Variants in CHSY3 observed in about 807,000 individuals in gnomAD.
The protein encoded by CHSY3 is N-acetylgalactosaminyl-proteoglycan 3-beta-glucuronosyltransferase 3.
Under a neutral mutation model 67.2 loss-of-function variants are expected in CHSY3, and 35 were observed. The ratio of observed to expected loss-of-function variants is 0.52; its 90% CI spans 0.40 to 0.69. The LOEUF (loss-of-function observed/expected upper bound fraction) is 0.69. CHSY3 is among the 30% of genes least tolerant of loss of function. The pLI, the probability that CHSY3 is intolerant of heterozygous loss-of-function variation, is 0.00. For synonymous variants in CHSY3, 474 were observed against 434.7 expected (o/e 1.09, Z -1.12); for missense variants, 1,069 against 1,138.5 (o/e 0.94, Z 0.88).
In CHSY3 at chr5:130,130,640, T is replaced by C. The variant is rs759109638; in HGVS notation, c.1087-53589T>C. 9.7e-4 allele frequency among the ~76,000 whole-genome samples: 147 copies of C among 152,150 alleles called. 2 individuals are homozygous for C. The highest frequency in any genetic ancestry group is 3.1e-4 in the Non-Finnish European group (21 of 68,008). On this transcript the variant is annotated intron_variant, in intron 2 of 2. Coordinates refer to ENST00000305031, the MANE Select transcript of CHSY3 (RefSeq NM_175856.5). ...TTACTTCCTGCACTTCACTTGATCA[T>C]AGACATCAGTCTCTTCTCCAGATAG...
rs1764491575 is a variant in CHSY3 at position 130,024,725 on chromosome 5, A to C, written c.1086+116365A>C. ...AATAGCATGAAAAAAAATTGGACAA[A>C]ACATTGAAGCAGCGTTCATAAATGA... On this transcript the variant is annotated intron_variant, in intron 2 of 2. Coordinates refer to ENST00000305031, the MANE Select transcript of CHSY3 (RefSeq NM_175856.5). Among the ~76,000 whole-genome samples the C allele has an allele frequency of 2.6e-5, 4 of 152,194 alleles. No individual in the cohort carries two copies. The South Asian group carries it at 8.3e-4, about 32-fold the overall frequency.
At chr5:130,167,074 GT>G (rs1769768210) in intron 2 of CHSY3, among the ~76,000 whole-genome samples, 4 of 152,148 alleles carry the variant, frequency 2.6e-5, no homozygotes, top group Admixed American at 2.6e-4. Flanking sequence ...AGGAAGGAGA[GT>G]TTTTTGGCTT....
At chr5:130,153,842 T>A (rs996621118) in intron 2 of CHSY3, among the ~76,000 whole-genome samples, 1 of 152,238 alleles carries the variant, frequency 6.6e-6, no homozygotes, top group African/African-American at 2.4e-5. Flanking sequence ...TTTTATTTTT[T>A]TTCTGTAATC....
chr5:129,980,819 T>A (rs1232173927), intron 2 of CHSY3, among the ~76,000 whole-genome samples: 1 of 152,150 alleles, frequency 6.6e-6, no homozygotes, highest in Non-Finnish European at 1.5e-5. Context: ...TGTGTCTAGA[T>A]CCATGTTTTC....
intron 2 of CHSY3, among the ~76,000 whole-genome samples, chr5:129,943,323 C>A (rs1270691069): frequency 6.6e-6 from 1 of 152,066 alleles, no homozygotes; most frequent in African/African-American, 2.4e-5. Flanking sequence ...AAATGTTGAT[C>A]AAAAAATCAT....
rs538886105 is a variant in CHSY3 at position 130,054,608 on chromosome 5, T to G, written c.1087-129621T>G. ...GACTTCTCATTTCTGTGCCTCAGTT[T>G]CCTCACATATATAAACTCTTACTTC... On this transcript the variant is annotated intron_variant, in intron 2 of 2. Transcript: ENST00000305031. Among the ~76,000 whole-genome samples the G allele has an allele frequency of 4.6e-5, 7 of 152,316 alleles. No individual in the cohort carries two copies. The East Asian group carries it at 1.4e-3, about 29-fold the overall frequency.
At chr5:130,054,384 G>A (rs1443337253) in intron 2 of CHSY3, among the ~76,000 whole-genome samples, 1 of 152,026 alleles carries the variant, frequency 6.6e-6, no homozygotes, top group Non-Finnish European at 1.5e-5. Context: ...TTTATTAGCT[G>A]CTTTTCATGG....
intron 2 of CHSY3, among the ~76,000 whole-genome samples, chr5:130,054,145 C>T (rs1302015392): frequency 6.6e-6 from 1 of 152,074 alleles, no homozygotes; most frequent in African/African-American, 2.4e-5. Context: ...TTTTTAATAG[C>T]TTCTGGGAGA....
In CHSY3 at chr5:130,052,763, T is replaced by C. The variant is rs115809081; in HGVS notation, c.1087-131466T>C. ...ATTTAAATATTATAATCAGATAATA[T>C]CCACAGGCGTTAATTTATCCTTTCT... is the stretch of plus-strand genomic sequence containing the variant. On this transcript the variant is annotated intron_variant, in intron 2 of 2. Coordinates refer to ENST00000305031, the MANE Select transcript of CHSY3 (RefSeq NM_175856.5). Among the ~76,000 whole-genome samples the C allele has an allele frequency of 4.2e-3, 638 of 152,246 alleles. 3 individuals carry two copies. Among genetic ancestry groups the C allele is most frequent in the African/African-American group, 0.015 (611 of 41,550 alleles).
At chr5:130,044,442 G>A (rs1423798856) in intron 2 of CHSY3, among the ~76,000 whole-genome samples, 1 of 152,040 alleles carries the variant, frequency 6.6e-6, no homozygotes, top group Non-Finnish European at 1.5e-5. Flanking sequence ...GGTGAGTACT[G>A]AAGCATGAGT....
At chr5:130,109,778 C>A (rs751052327) in intron 2 of CHSY3, among the ~76,000 whole-genome samples, 9 of 151,582 alleles carry the variant, frequency 5.9e-5, no homozygotes, top group Non-Finnish European at 1.3e-4. Context: ...TGGAATCTGA[C>A]AATTATCAAG....
chr5:130,140,471 T>C, intron 2 of CHSY3: 2 of 1,131,072 alleles, frequency 1.8e-6, no homozygotes, highest in Non-Finnish European at 1.2e-6. Context: ...CCAGCTTACT[T>C]TAATGACTCT....
intron 2 of CHSY3, among the ~76,000 whole-genome samples, chr5:129,990,083 AT>A (rs917956397): frequency 2.0e-5 from 3 of 151,304 alleles, no homozygotes; most frequent in Non-Finnish European, 4.4e-5. Context: ...TCCCTTTTGA[AT>A]TTTTTTTTCA....
chr5:129,980,910 C>T (rs79124496), intron 2 of CHSY3, among the ~76,000 whole-genome samples: 3,237 of 152,068 alleles, frequency 0.021, 106 homozygotes, highest in African/African-American at 0.072. Context: ...TGCCTTTGCT[C>T]CTTAGTCAAA....
At chr5:130,184,188 C>A in intron 2 of CHSY3, 41 bp from the exon 3 acceptor site, 1 of 1,405,344 alleles carries the variant, frequency 7.1e-7, no homozygotes. Context: ...TTAGATAAAT[C>A]TTTTAAAATT....
intron 2 of CHSY3, among the ~76,000 whole-genome samples, chr5:129,943,700 AATTCGGAGCTGTAGAGAATAG>A (rs1295641622): frequency 6.6e-6 from 1 of 152,220 alleles, no homozygotes; most frequent in Middle Eastern, 3.2e-3. Context: ...TACCAGATCT[AATTCGGAGCTGTAGAGAATAG>A]ATGTTTTCAA....
At chr5:130,164,703 G>A (rs1461594220) in intron 2 of CHSY3, among the ~76,000 whole-genome samples, 2 of 152,086 alleles carry the variant, frequency 1.3e-5, no homozygotes. Context: ...AGGCACTGGA[G>A]ATAGAATGGT....
chr5:129,984,393 G>C (rs1763110615), intron 2 of CHSY3, among the ~76,000 whole-genome samples: 3 of 152,098 alleles, frequency 2.0e-5, no homozygotes. Flanking sequence ...GTATTCCGTG[G>C]TGTATATGTA....
At chr5:129,927,565 T>C in intron 2 of CHSY3, among the ~76,000 whole-genome samples, 1 of 152,020 alleles carries the variant, frequency 6.6e-6, no homozygotes, top group Admixed American at 6.6e-5. Flanking sequence ...GTTCATCAAA[T>C]TTGGCAGACA....
Sources: allele counts gnomAD v4.1 joint callset (sites outside exome capture counted in the v4.1 genomes callset), GRCh38; gene constraint gnomAD v4.1.1; transcripts MANE v1.5; gene names NCBI Gene and HGNC (gene_info 2026-07-23, HGNC 2026-07-21).